Variants in MCRIP1 observed in about 807,000 individuals in gnomAD.
MCRIP1 encodes MAPK regulated corepressor interacting protein 1.
A neutral mutation model predicts 14.4 loss-of-function variants in MCRIP1; 10 were observed. That is an observed-to-expected ratio of 0.70 (90% CI 0.43 to 1.18). The LOEUF is 1.18. MCRIP1 is among the 50% of genes most tolerant of loss of function. The pLI is 0.00. For missense variants in MCRIP1, 119 were observed against 135.4 expected (o/e 0.88, Z 0.60); for synonymous variants, 53 against 55.7 (o/e 0.95, Z 0.21).
chr17:81,825,434 G>A, intron 1 of MCRIP1: 1 of 1,193,046 alleles, frequency 8.4e-7, no homozygotes, highest in Non-Finnish European at 1.1e-6. Context: ...CCAGGTTCTG[G>A]GGGAGGGGAG....
Position 81,823,047 on chromosome 17 carries a change from G to C in MCRIP1, c.*200C>G, listed in dbSNP as rs1286791205. The stretch of plus-strand genomic sequence containing the variant: ...GGGCAGGGCCCAGACCCCCATGATG[G>C]GGGCAGCCTGAGACCCCCAAGGATG... On this transcript the variant is annotated 3_prime_UTR_variant, in exon 5 of 5. Coordinates refer to ENST00000455127, the MANE Select transcript of MCRIP1 (RefSeq NM_207368.5). This position sits in a 1 kb window ranked among gnomAD's most constrained non-coding sequence, Gnocchi z 6.0. 1.9e-5 allele frequency: 12 copies of C among 622,952 alleles called. No homozygotes were observed. The highest frequency in any genetic ancestry group is 3.4e-5 in the Non-Finnish European group (12 of 352,300). 38.6% of individuals were successfully genotyped at this position (622,952 alleles called of 1,614,324 possible). A position where few individuals can be genotyped will look rare whatever the true frequency, so the allele number is the denominator to read the frequency against.
Position 81,824,322 on chromosome 17 carries a change from G to A in MCRIP1, c.92C>T (p.Pro31Leu). The A allele has an allele frequency of 6.5e-7, 1 of 1,536,406 alleles. No individual in the cohort carries two copies. The highest frequency in any genetic ancestry group is 2.0e-5 in the Admixed American group (1 of 50,870). The part of the protein sequence containing the change: ...SPPSSSEIFT[P>L]AHEENVRFIY... ...GAAGCGGACGTTCTCCTCGTGGGCT[G>A]GGGTGAAGATCTCGCTGCTGCTGGG... The change falls in exon 3 of 5, where the codon CCA becomes CTA. Residue 31 changes from proline to leucine, a missense_variant. Physicochemically the swap from Pro to Leu is moderately conservative, Grantham distance 98. Coordinates refer to ENST00000455127, the MANE Select transcript of MCRIP1 (RefSeq NM_207368.5).
chr17:81,823,101 G>A lies in MCRIP1; in HGVS notation c.*146C>T. 2.7e-6 allele frequency: 2 copies of A among 750,514 alleles called. No homozygotes were observed. The highest frequency in any genetic ancestry group is 4.3e-5 in the Admixed American group (2 of 46,478). 46.5% of individuals were successfully genotyped at this position (750,514 alleles called of 1,614,324 possible). A position where few individuals can be genotyped will look rare whatever the true frequency, so the allele number is the denominator to read the frequency against. On this transcript the variant is annotated 3_prime_UTR_variant, in exon 5 of 5. Coordinates refer to ENST00000455127, the MANE Select transcript of MCRIP1 (RefSeq NM_207368.5). The surrounding 1 kb of genome is among the most constrained non-coding windows in gnomAD (Gnocchi z 6.0). Reference sequence around the variant, plus strand: ...GAAGGGGGCTTGGGAAGGAGAGGCAGGCCTCAGCCGTCAGTCACGCCAGTG... The same window carrying A: ...GAAGGGGGCTTGGGAAGGAGAGGCAAGCCTCAGCCGTCAGTCACGCCAGTG...
chr17:81,826,710 T>C, intron 1 of MCRIP1: 1 of 296,732 alleles, frequency 3.4e-6, no homozygotes, highest in South Asian at 4.5e-5. Context: ...TCCCAGCTAC[T>C]CGGGAGGCTG....
chr17:81,826,103 C>T, intron 1 of MCRIP1: 1 of 1,477,556 alleles, frequency 6.8e-7, no homozygotes, highest in Non-Finnish European at 9.0e-7. Context: ...GGCCTTTATG[C>T]AGCCACACCT....
At chr17:81,825,727 C>T (rs551301179) in intron 1 of MCRIP1, 1 of 1,289,334 alleles carries the variant, frequency 7.8e-7, no homozygotes, top group East Asian at 5.5e-5. Context: ...GGAGTGAGGT[C>T]CAAAAAGGGC....
chr17:81,825,640 C>T, intron 1 of MCRIP1: 1 of 1,289,356 alleles, frequency 7.8e-7, no homozygotes, highest in South Asian at 1.2e-5. Flanking sequence ...ATAAGAATCC[C>T]ACGGCTCAAG....
chr17:81,822,626 G>C lies in MCRIP1; in HGVS notation c.*621C>G, dbSNP rs987478833. On this transcript the variant is annotated 3_prime_UTR_variant, in exon 5 of 5. Coordinates refer to ENST00000455127, the MANE Select transcript of MCRIP1 (RefSeq NM_207368.5). Reference sequence around the variant, plus strand: ...CGCAGACACCAGGAGGCCAGGCCTGGTTGCTGGGGACCCCCTTGGGGGGCC... The same window carrying C: ...CGCAGACACCAGGAGGCCAGGCCTGCTTGCTGGGGACCCCCTTGGGGGGCC... The C allele has an allele frequency of 6.5e-6, 1 of 154,142 alleles. No homozygotes were observed. The highest frequency in any genetic ancestry group is 2.4e-5 in the African/African-American group (1 of 41,448). The allele number at this position is 154,142 out of a possible 1,614,324, so 9.5% of individuals were successfully genotyped here. A position where few individuals can be genotyped will look rare whatever the true frequency, so the allele number is the denominator to read the frequency against.
chr17:81,825,896 G>C (rs775248087), intron 1 of MCRIP1: 2 of 1,291,866 alleles, frequency 1.5e-6, no homozygotes, highest in Non-Finnish European at 1.0e-6. Flanking sequence ...GGGTCCCACA[G>C]GGACATGCTG....
chr17:81,824,950 G>A (rs2038358446), intron 1 of MCRIP1: 1 of 1,105,646 alleles, frequency 9.0e-7, no homozygotes, highest in Non-Finnish European at 1.1e-6. Flanking sequence ...TCTCACTGCA[G>A]CAGAGGGCCT....
intron 1 of MCRIP1, chr17:81,826,676 G>A (rs1313614576): frequency 1.5e-5 from 6 of 387,680 alleles, no homozygotes; most frequent in East Asian, 5.0e-5. Flanking sequence ...AAAATTAGTT[G>A]GGCGTGGTGG....
intron 1 of MCRIP1, among the ~76,000 whole-genome samples, chr17:81,831,173 CAAA>C (rs552681742): frequency 2.6e-5 from 3 of 114,008 alleles, no homozygotes; most frequent in Non-Finnish European, 1.8e-5. Flanking sequence ...CTCTGTCTCT[CAAA>C]AAAAAAAAAA....
At chr17:81,827,308 G>A (rs1226901048) in intron 1 of MCRIP1, among the ~76,000 whole-genome samples, 1 of 151,498 alleles carries the variant, frequency 6.6e-6, no homozygotes, top group Non-Finnish European at 1.5e-5. Flanking sequence ...GTCTCGCTCT[G>A]CTGCCCAGGC....
chr17:81,822,948 A>G lies in MCRIP1; in HGVS notation c.*299T>C, dbSNP rs1057424597. On this transcript the variant is annotated 3_prime_UTR_variant, in exon 5 of 5. Transcript: ENST00000455127. ...GCAGGAGGGTGAGGGGAGAGGAGAGAGGTCAGGTCAGGGCCCCTGGGGGCC... is the reference window on the plus strand; with the variant it reads ...GCAGGAGGGTGAGGGGAGAGGAGAGGGGTCAGGTCAGGGCCCCTGGGGGCC... 13 of 553,212 alleles carry G rather than the reference A, an allele frequency of 2.3e-5. No individual in the cohort carries two copies. Among genetic ancestry groups the G allele is most frequent in the Admixed American group, 3.2e-5 (1 of 31,648 alleles). The allele number at this position is 553,212 out of a possible 1,614,324, so 34.3% of individuals were successfully genotyped here.
In MCRIP1 at chr17:81,824,273, G is replaced by T; in HGVS notation, c.127+14C>A. 1 of 1,519,466 alleles carries T rather than the reference G, an allele frequency of 6.6e-7. No individual in the cohort carries two copies. The allele number at this position is 1,519,466 out of a possible 1,614,324, so 94.1% of individuals were successfully genotyped here. A position where few individuals can be genotyped will look rare whatever the true frequency, so the allele number is the denominator to read the frequency against. ...AAGGACAGGGCAGGAGCTGTGTGTG[G>T]CAGGCGCACCCACCTTCGTAAATGA... On this transcript the variant is annotated intron_variant, in intron 3 of 4. Transcript: ENST00000455127.
At chr17:81,824,688 T>C in intron 1 of MCRIP1, 134 bp from the exon 2 acceptor site, 1 of 1,473,482 alleles carries the variant, frequency 6.8e-7, no homozygotes, top group Non-Finnish European at 9.0e-7. Context: ...CCTACCAGGG[T>C]GTCCCCCACA....
intron 1 of MCRIP1, among the ~76,000 whole-genome samples, chr17:81,828,518 G>A (rs1001836629): frequency 1.3e-4 from 20 of 152,112 alleles, no homozygotes; most frequent in Admixed American, 1.2e-3. Flanking sequence ...ACACACCCAA[G>A]ATGCGTACAA....
chr17:81,824,557 G>GA lies in MCRIP1; in HGVS notation c.-48-4dup. On this transcript the variant is annotated splice_region_variant and splice_polypyrimidine_tract_variant and intron_variant, in intron 1 of 4. Coordinates refer to ENST00000455127, the MANE Select transcript of MCRIP1 (RefSeq NM_207368.5). ...CCACCGCCAGATCCCCTCAGCCTCT[G>GA]AAACAGAAGCCAGCGCAGGCATGGG... 1.3e-6 allele frequency: 2 copies of GA among 1,535,912 alleles called. No individual in the cohort carries two copies. The highest frequency in any genetic ancestry group is 2.0e-5 in the Admixed American group (1 of 50,996).
Position 81,822,449 on chromosome 17 carries a change from G to A in MCRIP1, c.*798C>T, listed in dbSNP as rs556235261. On this transcript the variant is annotated 3_prime_UTR_variant, in exon 5 of 5. Transcript: ENST00000455127. Reference sequence around the variant, plus strand: ...CCGCCGCCTTTATTCACAGACCCTCGAGCTCCACAGCCACACAGACACTTA... The same window carrying A: ...CCGCCGCCTTTATTCACAGACCCTCAAGCTCCACAGCCACACAGACACTTA... The A allele has an allele frequency of 2.7e-4, 41 of 152,388 alleles. No individual in the cohort carries two copies. Among genetic ancestry groups the A allele is most frequent in the Admixed American group, 6.6e-4 (10 of 15,240 alleles). The allele number at this position is 152,388 out of a possible 1,614,324, so 9.4% of individuals were successfully genotyped here.
Sources: allele counts gnomAD v4.1 joint callset (sites outside exome capture counted in the v4.1 genomes callset), GRCh38; gene constraint gnomAD v4.1.1; non-coding constraint Gnocchi (gnomAD v3.1); transcripts MANE v1.5; gene names NCBI Gene and HGNC (gene_info 2026-07-23, HGNC 2026-07-21).